SORBS2: variants seen among roughly 807,000 people sequenced by gnomAD.
The protein encoded by SORBS2 is sorbin and SH3 domain containing 2, also known as sorbin and SH3 domain-containing protein 2.
A neutral mutation model predicts 97.7 loss-of-function variants in SORBS2; 46 were observed. The ratio of observed to expected loss-of-function variants is 0.47; its 90% CI spans 0.37 to 0.60. The LOEUF is 0.60. SORBS2 is among the 20% of genes least tolerant of loss of function. SORBS2 has a pLI of 0.00. For synonymous variants in SORBS2, 476 were observed against 473.4 expected, an observed-to-expected ratio of 1.01 and a Z score of -0.07; for missense variants, 1,316 against 1,282.3, an observed-to-expected ratio of 1.03 and a Z score of -0.40.
At chr4:185,903,478 T>C (rs1029861269) in intron 1 of SORBS2, among the ~76,000 whole-genome samples, 7 of 152,156 alleles carry the variant, frequency 4.6e-5, no homozygotes, top group Non-Finnish European at 1.0e-4. Flanking sequence ...TGGAACAACA[T>C]TGTGGGGAAG....
At chr4:185,654,643 A>T (rs1229856921) in intron 1 of SORBS2, among the ~76,000 whole-genome samples, 6 of 152,240 alleles carry the variant, frequency 3.9e-5, no homozygotes, top group Non-Finnish European at 5.9e-5. Context: ...TCCCTTTCTA[A>T]AAGAAGTACT....
In SORBS2 at chr4:185,649,482, C is replaced by T. The variant is rs760948713; in HGVS notation, c.266G>A (p.Arg89Gln). The change falls in exon 3 of 15, where the codon CGG (arginine) becomes CAG (glutamine). Residue 89 changes from arginine (R) to glutamine (Q), a missense_variant. Transcript: ENST00000418609. ...AATGCCTTACTTTTCTGTTGAAGACCGATCTCTTGGTCGAAGCGGCGGGAC... is the reference window on the plus strand; with the variant it reads ...AATGCCTTACTTTTCTGTTGAAGACTGATCTCTTGGTCGAAGCGGCGGGAC... The T allele has an allele frequency of 1.2e-5, 19 of 1,585,046 alleles. No homozygotes were observed. The highest frequency in any genetic ancestry group is 5.5e-5 in the African/African-American group (4 of 73,084).
rs539943436 is a variant in SORBS2 at position 185,802,188 on chromosome 4, A to G, written c.-337-26822T>C. 3.6e-4 allele frequency among the ~76,000 whole-genome samples: 55 copies of G among 152,282 alleles called. No individual in the cohort carries two copies. In the Middle Eastern group the frequency reaches 0.02, roughly 57 times the overall value. ...TTTATTGTATAAGTTACTTCTGCGC[A>G]TGTCTTTTGAAGGAATAAATAAATG... is the stretch of plus-strand genomic sequence containing the variant. On this transcript the variant is annotated intron_variant, in intron 1 of 20. Transcript: ENST00000284776.
At chr4:185,589,451 T>C (rs1029431243) in intron 14 of SORBS2, among the ~76,000 whole-genome samples, 7 of 152,176 alleles carry the variant, frequency 4.6e-5, no homozygotes, top group Non-Finnish European at 5.9e-5. Flanking sequence ...TTCTCTCAGT[T>C]GAGTTGGAAA....
intron 2 of SORBS2, among the ~76,000 whole-genome samples, chr4:185,730,905 C>T (rs937290871): frequency 6.6e-6 from 1 of 152,082 alleles, no homozygotes; most frequent in Non-Finnish European, 1.5e-5. Flanking sequence ...CAGGCTGTAC[C>T]CAAATTGCAT....
chr4:185,706,926 G>T (rs1030684489), intron 2 of SORBS2, among the ~76,000 whole-genome samples: 2 of 152,016 alleles, frequency 1.3e-5, no homozygotes, highest in Non-Finnish European at 2.9e-5. Flanking sequence ...GGGCATTTGG[G>T]TTGCTTCTAG....
At chr4:185,931,233 T>C (rs1380116960) in intron 1 of SORBS2, among the ~76,000 whole-genome samples, 1 of 152,196 alleles carries the variant, frequency 6.6e-6, no homozygotes, top group Non-Finnish European at 1.5e-5. Context: ...AGAATCCATC[T>C]ACTAGCAAAT....
intron 1 of SORBS2, among the ~76,000 whole-genome samples, chr4:185,940,747 C>T (rs2099271549): frequency 6.6e-6 from 1 of 152,196 alleles, no homozygotes; most frequent in African/African-American, 2.4e-5. Flanking sequence ...AGAGCAGTCT[C>T]CCCCAGGTTT....
chr4:185,647,412 CTT>C (rs376002220), intron 3 of SORBS2, among the ~76,000 whole-genome samples: 55 of 131,606 alleles, frequency 4.2e-4, no homozygotes, highest in African/African-American at 1.2e-3. Flanking sequence ...AAGAAGGCTT[CTT>C]TTTTTTTTTT....
intron 2 of SORBS2, among the ~76,000 whole-genome samples, chr4:185,738,914 T>C (rs995057897): frequency 2.0e-5 from 3 of 152,342 alleles, no homozygotes; most frequent in Admixed American, 6.5e-5. Context: ...CAAAATAATA[T>C]GTTGGAAGTG....
chr4:185,914,840 T>C (rs2099257215), intron 1 of SORBS2, among the ~76,000 whole-genome samples: 1 of 152,222 alleles, frequency 6.6e-6, no homozygotes, highest in African/African-American at 2.4e-5. Context: ...TTTATTATCA[T>C]CTGAAAAATA....
intron 1 of SORBS2, among the ~76,000 whole-genome samples, chr4:185,949,713 C>A (rs561799140): frequency 6.6e-5 from 10 of 152,166 alleles, no homozygotes; most frequent in Admixed American, 5.9e-4. Flanking sequence ...AAACGTAAAG[C>A]AGTTGTCTGG....
At chr4:185,951,770 G>A (rs867645371) in intron 1 of SORBS2, among the ~76,000 whole-genome samples, 12 of 152,176 alleles carry the variant, frequency 7.9e-5, no homozygotes, top group African/African-American at 2.9e-4. Flanking sequence ...CTTTCCCATC[G>A]GGTAACTTAG....
intron 1 of SORBS2, among the ~76,000 whole-genome samples, chr4:185,849,802 C>G (rs562510183): frequency 6.6e-6 from 1 of 152,082 alleles, no homozygotes. Context: ...GACTGAGAGA[C>G]GACAGACAGG....
intron 1 of SORBS2, among the ~76,000 whole-genome samples, chr4:185,863,659 T>A (rs1465001590): frequency 6.6e-6 from 1 of 152,216 alleles, no homozygotes; most frequent in Non-Finnish European, 1.5e-5. Context: ...CCAGTTTTAA[T>A]GGTATTTTTA....
chr4:185,611,745 C>A, intron 12 of SORBS2, 35 bp downstream of exon 24: 1 of 1,541,236 alleles, frequency 6.5e-7, no homozygotes, highest in Non-Finnish European at 9.0e-7. Context: ...TTGGAGCTTC[C>A]AATATTACAT....
chr4:185,734,778 C>T (rs1583696625), intron 2 of SORBS2, among the ~76,000 whole-genome samples: 1 of 152,170 alleles, frequency 6.6e-6, no homozygotes, highest in East Asian at 1.9e-4. Flanking sequence ...TCTCCATAGC[C>T]TTCTCCCTAC....
intron 1 of SORBS2, among the ~76,000 whole-genome samples, chr4:185,807,673 A>T (rs76552557): frequency 2.2e-4 from 33 of 152,364 alleles, no homozygotes; most frequent in African/African-American, 7.5e-4. Flanking sequence ...ACAGTTGCAG[A>T]AGTGTTTCCT....
At chr4:185,733,200 C>T (rs2098656666) in intron 2 of SORBS2, among the ~76,000 whole-genome samples, 1 of 152,236 alleles carries the variant, frequency 6.6e-6, no homozygotes, top group African/African-American at 2.4e-5. Flanking sequence ...TCTTCTTTTG[C>T]AATCCAAAGA....
Sources: gnomAD v4.1 joint callset for allele counts (sites outside exome capture counted in the v4.1 genomes callset) on GRCh38, gnomAD v4.1.1 for gene constraint, MANE v1.5 for transcripts, NCBI Gene and HGNC (gene_info 2026-07-23, HGNC 2026-07-21) for gene names.